The following RAD51B variants were observed in gnomAD, a reference collection of about 807,000 sequenced individuals.
RAD51B encodes the protein DNA repair protein RAD51 homolog 2.
In RAD51B, 38 loss-of-function variants were observed where a neutral mutation model predicts 42.2. The ratio of observed to expected loss-of-function variants is 0.90; its 90% CI spans 0.70 to 1.18. The LOEUF is 1.18. Ranked by LOEUF, RAD51B falls within the 50% of genes most tolerant of loss-of-function variation. The pLI is 0.00. For missense variants in RAD51B, 373 were observed against 400.7 expected, an observed-to-expected ratio of 0.93 and a Z score of 0.59; for synonymous variants, 154 against 145.2, an observed-to-expected ratio of 1.06 and a Z score of -0.43.
chr14:68,192,139 G>A (rs2079280373), intron 7 of RAD51B, among the ~76,000 whole-genome samples: 1 of 152,138 alleles, frequency 6.6e-6, no homozygotes, highest in Non-Finnish European at 1.5e-5. Context: ...ACAAAGCCAA[G>A]GTCATGTATT....
At chr14:68,601,474 A>G (rs1456572949) in intron 10 of RAD51B, among the ~76,000 whole-genome samples, 3 of 152,144 alleles carry the variant, frequency 2.0e-5, no homozygotes, top group African/African-American at 7.2e-5. Context: ...TGCATTAATT[A>G]ATGTTTTTGA....
intron 8 of RAD51B, 72 bp downstream of exon 8, chr14:68,292,052 T>G: frequency 1.5e-6 from 2 of 1,361,118 alleles, no homozygotes; most frequent in Non-Finnish European, 2.1e-6. Flanking sequence ...CACCTCCTGT[T>G]GAGAGCTGGG....
At chr14:68,484,361 T>C (rs987442069) in intron 10 of RAD51B, among the ~76,000 whole-genome samples, 1 of 145,420 alleles carries the variant, frequency 6.9e-6, no homozygotes, top group African/African-American at 2.6e-5. Flanking sequence ...TTCTTTTTCT[T>C]TTTTTTTTTT....
In RAD51B at chr14:67,864,999, T is replaced by TTTTTTAA; in HGVS notation, c.316-3_316-2insTTTTAAT. On this transcript the variant is annotated splice_region_variant and splice_polypyrimidine_tract_variant and intron_variant, in intron 4 of 10. Transcript: ENST00000471583. ...TTTTTTTTTTTTTTTTTTTTTTTTT[T>TTTTTTAA]TAGATTACAGGTCCACCAGGTTGTG... 4 of 1,256,492 alleles carry TTTTTTAA rather than the reference T, an allele frequency of 3.2e-6. No individual in the cohort carries two copies. Among genetic ancestry groups the TTTTTTAA allele is most frequent in the Non-Finnish European group, 4.0e-6 (4 of 987,690 alleles). The allele number at this position is 1,256,492 out of a possible 1,614,324, so 77.8% of individuals were successfully genotyped here.
At chr14:68,238,459 C>T (rs1377175357) in intron 7 of RAD51B, among the ~76,000 whole-genome samples, 2 of 152,154 alleles carry the variant, frequency 1.3e-5, no homozygotes, top group East Asian at 3.9e-4. Context: ...TACCACTGTG[C>T]CCAGCTAAAT....
chr14:68,501,993 G>C lies in RAD51B; in HGVS notation c.1036+33743G>C, dbSNP rs929707763. On this transcript the variant is annotated intron_variant, in intron 10 of 10. Coordinates refer to the RAD51B transcript ENST00000487270. ...CTGCCCTGCCCAATGCCCAGATGCT[G>C]ATTCGCCAGGTGCCTGGCTGCCACA... Among the ~76,000 whole-genome samples, 3 of 152,216 alleles carry C rather than the reference G, an allele frequency of 2.0e-5. No homozygotes were observed. The East Asian group carries it at 5.8e-4, about 29-fold the overall frequency.
At chr14:68,470,745 C>G (rs1314883867) in intron 10 of RAD51B, 1 of 428,050 alleles carries the variant, frequency 2.3e-6, no homozygotes, top group Non-Finnish European at 4.4e-6. Flanking sequence ...TGTCCACATA[C>G]ATTATGAGTT....
At position 67,982,603 on chromosome 14, in the gene RAD51B, T is replaced by C. The variant is rs114527712; in HGVS notation, c.756+95399T>C. Among the ~76,000 whole-genome samples the C allele has an allele frequency of 8.5e-3, 1,290 of 152,264 alleles. 16 individuals carry two copies. Among genetic ancestry groups the C allele is most frequent in the African/African-American group, 0.029 (1,204 of 41,530 alleles). On this transcript the variant is annotated intron_variant, in intron 7 of 10. Transcript: ENST00000471583. Reference sequence around the variant, plus strand: ...CGTGGAAGTTCTGTATCAGCTACCATAGTCATTTTTTAAAAATAACAGCAA... The same window carrying C: ...CGTGGAAGTTCTGTATCAGCTACCACAGTCATTTTTTAAAAATAACAGCAA...
At chr14:67,858,172 TGGGG>T (rs2042057041) in intron 4 of RAD51B, 1 of 152,342 alleles carries the variant, frequency 6.6e-6, no homozygotes, top group African/African-American at 2.4e-5. Flanking sequence ...CCTCGTTATG[TGGGG>T]CAGTTGCCCT....
At chr14:68,396,085 G>A (rs1014391818) in intron 8 of RAD51B, among the ~76,000 whole-genome samples, 1 of 152,120 alleles carries the variant, frequency 6.6e-6, no homozygotes, top group Non-Finnish European at 1.5e-5. Context: ...CACAGAGCAG[G>A]GACACGGGCA....
In RAD51B at chr14:68,388,094, A is replaced by AT. The variant is rs10676248; in HGVS notation, c.854-23315dup. 4.7e-3 allele frequency among the ~76,000 whole-genome samples: 556 copies of AT among 118,902 alleles called. 4 individuals are homozygous for AT. The highest frequency in any genetic ancestry group is 0.015 in the African/African-American group (433 of 29,368). The allele number at this position is 118,902 out of a possible 152,430, so 78.0% of individuals were successfully genotyped here. On this transcript the variant is annotated intron_variant, in intron 8 of 10. Coordinates refer to ENST00000471583, the MANE Select transcript of RAD51B (RefSeq NM_133510.4). ...TGTGTGTGTGTATATATATATATAT[A>AT]TTTTTTTTTTTTTTTAATTGAGGCA...
chr14:67,956,498 G>A (rs28649231), intron 7 of RAD51B, among the ~76,000 whole-genome samples: 26,394 of 151,056 alleles, frequency 0.17, 2,524 homozygotes, highest in Middle Eastern at 0.35. Context: ...GAAATGAAAT[G>A]AAATAAAATA....
intron 10 of RAD51B, among the ~76,000 whole-genome samples, chr14:68,571,989 T>A (rs1009601193): frequency 6.6e-6 from 1 of 152,142 alleles, no homozygotes; most frequent in Non-Finnish European, 1.5e-5. Flanking sequence ...TCATTATCAA[T>A]CTATAAAGCA....
rs188415590 is a variant in RAD51B, at chr14:68,354,446, C to T, written c.854-56978C>T. Among the ~76,000 whole-genome samples, 716 of 152,112 alleles carry T rather than the reference C, an allele frequency of 4.7e-3. 4 individuals carry two copies. Among genetic ancestry groups the T allele is most frequent in the South Asian group, 8.5e-3 (41 of 4,820 alleles). ...GCCAGGATGGTCTCGATCCCTTGACCTCGTGATCTACCCACCTCAGCCTCC... is the reference window on the plus strand; with the variant it reads ...GCCAGGATGGTCTCGATCCCTTGACTTCGTGATCTACCCACCTCAGCCTCC... On this transcript the variant is annotated intron_variant, in intron 8 of 10. Transcript: ENST00000471583.
chr14:68,612,842 G>A (rs1309471289), downstream of RAD51B, among the ~76,000 whole-genome samples: 1 of 151,190 alleles, frequency 6.6e-6, no homozygotes, highest in Non-Finnish European at 1.5e-5. Flanking sequence ...AGGGAAGGAA[G>A]GAGGGAGAGG....
At chr14:67,864,692 G>A in intron 4 of RAD51B, 1 of 460,802 alleles carries the variant, frequency 2.2e-6, no homozygotes, top group South Asian at 1.7e-5. Context: ...TGGTATAAAT[G>A]AGTGAATGTT....
chr14:68,540,248 G>C (rs1043204173), intron 10 of RAD51B: 9 of 1,008,784 alleles, frequency 8.9e-6, no homozygotes, highest in Non-Finnish European at 1.1e-5. Flanking sequence ...AGGATCGTCT[G>C]AGTTCCTTGC....
rs375203676 is a variant in RAD51B at position 67,865,171 on chromosome 14, T to C, written c.452+32T>C. 1.3e-4 allele frequency: 208 copies of C among 1,565,752 alleles called. 1 individual carries two copies. In the South Asian group the frequency reaches 2.3e-3, roughly 18 times the overall value. ...GATTTTATTTTCTATTATAATGTTT[T>C]ACTTTTGTAACTTATATACAGCATG... On this transcript the variant is annotated intron_variant, in intron 5 of 10. Transcript: ENST00000471583.
chr14:67,865,883 G>C (rs192187285), intron 5 of RAD51B, among the ~76,000 whole-genome samples: 1 of 152,302 alleles, frequency 6.6e-6, no homozygotes, highest in Admixed American at 6.5e-5. Flanking sequence ...AATGAATAAG[G>C]AATGATAGAA....
Sources: allele counts gnomAD v4.1 joint callset (sites outside exome capture counted in the v4.1 genomes callset), GRCh38; gene constraint gnomAD v4.1.1; transcripts MANE v1.5; gene names NCBI Gene and HGNC (gene_info 2026-07-23, HGNC 2026-07-21).